The following GNAT2 variants were observed in gnomAD, a reference collection of about 807,000 sequenced individuals.
The protein encoded by GNAT2 is G protein subunit alpha transducin 2.
A neutral mutation model predicts 40.9 loss-of-function variants in GNAT2; 32 were observed. The ratio of observed to expected loss-of-function variants is 0.78; its 90% confidence interval spans 0.59 to 1.05. The LOEUF (loss-of-function observed/expected upper bound fraction) is 1.05. GNAT2 is among the 50% of genes least tolerant of loss of function. The pLI is 0.00. For synonymous variants in GNAT2, 141 were observed against 157.2 expected, an observed-to-expected ratio of 0.90 and a Z score of 0.77; for missense variants, 355 against 431.5, an observed-to-expected ratio of 0.82 and a Z score of 1.57.
intron 4 of GNAT2, 130 bp downstream of exon 4, chr1:109,609,910 C>T: frequency 7.6e-6 from 7 of 918,202 alleles, no homozygotes; most frequent in Non-Finnish European, 1.3e-5. Flanking sequence ...AGTGAGATCC[C>T]ACCCAGCAGG....
intron 1 of GNAT2, chr1:109,613,285 T>C (rs2101131254): frequency 6.9e-6 from 2 of 290,382 alleles, no homozygotes; most frequent in Middle Eastern, 1.2e-3. Flanking sequence ...TCTTGCTTCC[T>C]TAGATTTATT....
chr1:109,607,191 C>T (rs1649629446), intron 5 of GNAT2: 1 of 150,832 alleles, frequency 6.6e-6, no homozygotes, highest in Admixed American at 6.6e-5. Flanking sequence ...GTGGCTCGCG[C>T]CTATAATCCC....
At chr1:109,614,006 A>G (rs1649878334) in intron 1 of GNAT2, 1 of 152,352 alleles carries the variant, frequency 6.6e-6, no homozygotes, top group South Asian at 2.1e-4. Context: ...AGGACTCCAC[A>G]GGTTGTACTC....
Position 109,603,325 on chromosome 1 carries a change from T to TAATA in GNAT2, c.*28_*29insTATT, listed in dbSNP as rs1433266086. The stretch of plus-strand genomic sequence containing the variant: ...ATTACCCAGATTCCAAGCCTGTTTA[T>TAATA]AGAACTTATACCTGAGGAATGGTGA... On this transcript the variant is annotated 3_prime_UTR_variant, in exon 9 of 9. Coordinates refer to ENST00000679935, the MANE Select transcript of GNAT2 (RefSeq NM_001377295.2). The TAATA allele has an allele frequency of 2.3e-5, 30 of 1,299,166 alleles. No homozygotes were observed. Among genetic ancestry groups the TAATA allele is most frequent in the Non-Finnish European group, 3.0e-5 (27 of 894,158 alleles). The allele number at this position is 1,299,166 out of a possible 1,614,324, so 80.5% of individuals were successfully genotyped here.
At chr1:109,609,232 A>C (rs1331242368) in intron 4 of GNAT2, 2 of 200,050 alleles carry the variant, frequency 1.0e-5, no homozygotes, top group African/African-American at 4.7e-5. Flanking sequence ...TAGGGATTTC[A>C]CTTACAAAAG....
intron 5 of GNAT2, chr1:109,608,207 A>G: frequency 3.5e-6 from 1 of 282,710 alleles, no homozygotes; most frequent in African/African-American, 2.2e-5. Flanking sequence ...ATTACCAGAT[A>G]GAAAATTCTG....
intron 7 of GNAT2, chr1:109,604,361 A>G (rs1400926687): frequency 4.0e-6 from 2 of 493,882 alleles, no homozygotes; most frequent in Admixed American, 3.3e-5. Flanking sequence ...TAGGGTTACA[A>G]TGAAAGCTAA....
At position 109,610,522 on chromosome 1, in the gene GNAT2, G is replaced by T; in HGVS notation, c.119-15C>A. ...CTCCCCAGCACCTGGAAGGAAAAAT[G>T]CTTATGCTTTCGATTTCCACCAGTT... On this transcript the variant is annotated splice_polypyrimidine_tract_variant and intron_variant, in intron 2 of 8. Transcript: ENST00000679935. 6.2e-7 allele frequency: 1 copy of T among 1,612,174 alleles called. No homozygotes were observed.
rs201659866 is a variant in GNAT2 at position 109,610,481 on chromosome 1, T to C, written c.145A>G (p.Ile49Val). Residue 49 changes from isoleucine (I) to valine (V), a missense_variant, in exon 3 of 9, where the codon ATC (isoleucine) becomes GTC (valine). Transcript: ENST00000679935. The stretch of plus-strand genomic sequence containing the variant: ...TCTACTCACTTCATCTGTTTGACGA[T>C]GGTGCTCTTTCCTGACTCCCCAGCA... ...LGAGESGKST[I>V]VKQMKIIHQD... is the part of the protein sequence containing the mutation. 6.2e-7 allele frequency: 1 copy of C among 1,614,014 alleles called. No homozygotes were observed. The highest frequency in any genetic ancestry group is 8.5e-7 in the Non-Finnish European group (1 of 1,179,888).
At chr1:109,608,567 C>G in intron 5 of GNAT2, 64 bp downstream of exon 5, 1 of 1,519,750 alleles carries the variant, frequency 6.6e-7, no homozygotes, top group Non-Finnish European at 9.1e-7. Flanking sequence ...TTCTCCCAAC[C>G]AGAGAGAAGA....
Position 109,603,419 on chromosome 1 carries a change from A to AT in GNAT2, c.999dup (p.Phe334IlefsTer4). The AT allele has an allele frequency of 6.2e-7, 1 of 1,606,400 alleles. No homozygotes were observed. The highest frequency in any genetic ancestry group is 8.5e-7 in the Non-Finnish European group (1 of 1,173,042). On this transcript the variant is annotated frameshift_variant, in exon 9 of 9. Transcript: ENST00000679935. LOFTEE classifies it high-confidence loss of function. ...ATATCTGTAACTGCATCAAACACAAATTTGACATTCTGTGTATCTGTAGCA... is the reference window on the plus strand; with the variant it reads ...ATATCTGTAACTGCATCAAACACAAATTTTGACATTCTGTGTATCTGTAGCA...
intron 2 of GNAT2, 184 bp downstream of exon 2, chr1:109,612,569 G>C (rs1649829948): frequency 3.1e-6 from 2 of 653,380 alleles, no homozygotes; most frequent in East Asian, 2.9e-5. Flanking sequence ...TCCCCTTGGG[G>C]TGGCTGTTTA....
chr1:109,607,101 T>C (rs964723392), intron 5 of GNAT2: 2 of 152,096 alleles, frequency 1.3e-5, no homozygotes, highest in African/African-American at 4.8e-5. Flanking sequence ...ATTATGTTAT[T>C]TCTACTTTTG....
At chr1:109,605,722 A>G (rs1649571789) in intron 7 of GNAT2, 2 of 464,292 alleles carry the variant, frequency 4.3e-6, no homozygotes, top group Non-Finnish European at 8.0e-6. Flanking sequence ...GTGATGTCCA[A>G]GTGATACTTA....
chr1:109,612,965 G>A lies in GNAT2; in HGVS notation c.-53-42C>T, dbSNP rs1649847655. 3 of 866,006 alleles carry A rather than the reference G, an allele frequency of 3.5e-6. 1 individual carries two copies. The highest frequency in any genetic ancestry group is 2.6e-5 in the South Asian group (2 of 76,050). 53.6% of individuals were successfully genotyped at this position (866,006 alleles called of 1,614,324 possible). A position where few individuals can be genotyped will look rare whatever the true frequency, so the allele number is the denominator to read the frequency against. ...AGAGAAGGAAAAAAGTTGGGATTGA[G>A]TATCCCAACTTGGCTCCCCTAAAAG... On this transcript the variant is annotated intron_variant, in intron 1 of 8. Coordinates refer to ENST00000679935, the MANE Select transcript of GNAT2 (RefSeq NM_001377295.2).
chr1:109,606,691 T>TTGG (rs1313335711), intron 5 of GNAT2: 1 of 446,998 alleles, frequency 2.2e-6, no homozygotes, highest in African/African-American at 2.0e-5. Context: ...TAAGTTTTCC[T>TTGG]TGGGTTTGCC....
rs1649695850 is a variant in GNAT2, at chr1:109,608,676, C to A, written c.416G>T (p.Cys139Phe). 1 of 1,614,148 alleles carries A rather than the reference C, an allele frequency of 6.2e-7. No individual in the cohort carries two copies. The highest frequency in any genetic ancestry group is 8.5e-7 in the Non-Finnish European group (1 of 1,179,996). The change falls in exon 5 of 9, where the codon TGC becomes TTC. Residue 139 changes from cysteine (C) to phenylalanine (F), a missense_variant. By Grantham distance (205) the Cys-to-Phe change is radical. Coordinates refer to ENST00000679935, the MANE Select transcript of GNAT2 (RefSeq NM_001377295.2). ...CTGGTATTCTGCAGCTCTCTCGAAG[C>A]AGGCTTGCACCCCACCATCCTTCCA... ...RLWKDGGVQA[C>F]FERAAEYQLN...
chr1:109,603,404 C>T lies in GNAT2; in HGVS notation c.1015G>A (p.Val339Ile). Reference protein sequence around the residue: ...TQNVKFVFDAVTDIIIKENLK... With the variant: ...TQNVKFVFDAITDIIIKENLK... Reference sequence around the variant, plus strand: ...TTTTCTTTGATGATAATATCTGTAACTGCATCAAACACAAATTTGACATTC... The same window carrying T: ...TTTTCTTTGATGATAATATCTGTAATTGCATCAAACACAAATTTGACATTC... The change falls in exon 9 of 9, where the codon GTT becomes ATT. Residue 339 changes from valine to isoleucine, a missense_variant. Val to Ile is a conservative substitution (Grantham distance 29). Coordinates refer to ENST00000679935, the MANE Select transcript of GNAT2 (RefSeq NM_001377295.2). The T allele has an allele frequency of 6.2e-7, 1 of 1,604,298 alleles. No individual in the cohort carries two copies. The highest frequency in any genetic ancestry group is 8.5e-7 in the Non-Finnish European group (1 of 1,171,154).
chr1:109,608,041 A>G, intron 5 of GNAT2: 1 of 171,560 alleles, frequency 5.8e-6, no homozygotes, highest in Non-Finnish European at 1.3e-5. Context: ...TATGTCCCTT[A>G]GCTTTTTGGA....
Sources: allele counts gnomAD v4.1 joint callset, GRCh38; gene constraint gnomAD v4.1.1; transcripts MANE v1.5; gene names NCBI Gene and HGNC (gene_info 2026-07-23, HGNC 2026-07-21).